Variants in DMD observed in about 807,000 individuals in gnomAD.
DMD encodes the protein mutant dystrophin.
DMD carries 63 observed loss-of-function variants against 330.1 expected under a neutral mutation model. The ratio of observed to expected loss-of-function variants is 0.19; its 90% CI spans 0.16 to 0.24. DMD has a LOEUF of 0.24. Ranked by LOEUF, DMD falls within the 10% of genes least tolerant of loss-of-function variation. The probability of loss-of-function intolerance (pLI) is 1.00; values close to 1 mark genes in which losing one functional copy is unlikely to be tolerated. For synonymous variants in DMD, 1,223 were observed against 959.8 expected, an observed-to-expected ratio of 1.27 and a Z score of -5.07; for missense variants, 3,344 against 2,684.1, an observed-to-expected ratio of 1.25 and a Z score of -5.43.
rs183585489 is a variant in DMD, at chrX:31,901,560, C to A, written c.6913-26187G>T. 2.5e-3 allele frequency among the ~76,000 whole-genome samples: 282 copies of A among 111,574 alleles called. 1 individual carries two copies. The highest frequency in any genetic ancestry group is 6.9e-3 in the African/African-American group (213 of 30,826). Reference sequence around the variant, plus strand: ...ACTTTCCACATAATTACTTTCCAAGCTATACTACGAGGCAAAGGGAGGATT... The same window carrying A: ...ACTTTCCACATAATTACTTTCCAAGATATACTACGAGGCAAAGGGAGGATT... On this transcript the variant is annotated intron_variant, in intron 47 of 78. Coordinates refer to ENST00000357033, the MANE Select transcript of DMD (RefSeq NM_004006.3).
intron 9 of DMD, among the ~76,000 whole-genome samples, chrX:32,675,133 T>C (rs1228288267): frequency 9.0e-6 from 1 of 111,617 alleles, no homozygotes; most frequent in African/African-American, 3.2e-5. Flanking sequence ...ATGACACTGA[T>C]GCTATTATCA....
At chrX:31,368,724 C>A (rs1432533554) in intron 60 of DMD, among the ~76,000 whole-genome samples, 1 of 109,932 alleles carries the variant, frequency 9.1e-6, no homozygotes, top group African/African-American at 3.3e-5. Context: ...CGGCTCAGTG[C>A]AGCCTCTGCC....
At chrX:32,402,537 T>A (rs1189960816) in intron 30 of DMD, among the ~76,000 whole-genome samples, 1 of 111,286 alleles carries the variant, frequency 9.0e-6, no homozygotes, top group Non-Finnish European at 1.9e-5. Flanking sequence ...TTTCAAATAT[T>A]CCCTTTTAAA....
At chrX:32,478,324 A>T (rs1369232147) in intron 21 of DMD, among the ~76,000 whole-genome samples, 1 of 111,863 alleles carries the variant, frequency 8.9e-6, no homozygotes, top group African/African-American at 3.2e-5. Context: ...AAAATGCTCA[A>T]CTTGAGCCTT....
intron 1 of DMD, among the ~76,000 whole-genome samples, chrX:33,071,257 C>T (rs906473575): frequency 2.7e-5 from 3 of 109,569 alleles, no homozygotes; most frequent in Non-Finnish European, 5.7e-5. Flanking sequence ...TCAAAACAAG[C>T]CTGGCCAACA....
rs73623934 is a variant in DMD, at chrX:33,267,446, A to G, written c.7+71813T>C. On this transcript the variant is annotated intron_variant, in intron 1 of 17. Transcript: ENST00000288447. ...CTGCACAAAACAACTTATAGATTCAATGCTGTCCTTATCAAACTACCAAGG... is the reference window on the plus strand; with the variant it reads ...CTGCACAAAACAACTTATAGATTCAGTGCTGTCCTTATCAAACTACCAAGG... Among the ~76,000 whole-genome samples, 417 of 111,342 alleles carry G rather than the reference A, an allele frequency of 3.7e-3. 3 individuals carry two copies. Among genetic ancestry groups the G allele is most frequent in the African/African-American group, 0.013 (400 of 30,664 alleles).
intron 50 of DMD, among the ~76,000 whole-genome samples, chrX:31,800,850 G>C (rs1468887647): frequency 9.0e-6 from 1 of 111,539 alleles, no homozygotes; most frequent in Admixed American, 9.5e-5. Context: ...TTCCCAAGAA[G>C]TTCCTAATCT....
At chrX:31,178,605 T>C (rs1481176206) in intron 70 of DMD, 64 bp downstream of exon 70, 5 of 1,149,068 alleles carry the variant, frequency 4.4e-6, no homozygotes, top group Non-Finnish European at 5.8e-6. Context: ...AAGGAGGGTG[T>C]TCAGCTGAGA....
At chrX:32,511,445 C>T (rs938868311) in intron 18 of DMD, among the ~76,000 whole-genome samples, 1 of 101,537 alleles carries the variant, frequency 9.8e-6, no homozygotes, top group African/African-American at 3.6e-5. Flanking sequence ...TCGCTTGAAC[C>T]CGGGAGACAG....
At chrX:32,215,416 T>G (rs976534464) in intron 44 of DMD, among the ~76,000 whole-genome samples, 2 of 111,331 alleles carry the variant, frequency 1.8e-5, no homozygotes, top group African/African-American at 6.5e-5. Flanking sequence ...TGCTTCATCG[T>G]AAAAGTACTC....
chrX:31,737,276 T>C (rs1047116868), intron 51 of DMD, among the ~76,000 whole-genome samples: 1 of 112,334 alleles, frequency 8.9e-6, no homozygotes, highest in African/African-American at 3.2e-5. Context: ...AGCTATATGA[T>C]AGTATGATAT....
At chrX:31,734,520 A>G (rs1221418784) in intron 51 of DMD, among the ~76,000 whole-genome samples, 1 of 111,570 alleles carries the variant, frequency 9.0e-6, no homozygotes, top group Non-Finnish European at 1.9e-5. Context: ...TTAAGTTGAA[A>G]TAGTTATTTG....
At chrX:33,055,702 A>G (rs746543753) in intron 1 of DMD, among the ~76,000 whole-genome samples, 3 of 111,376 alleles carry the variant, frequency 2.7e-5, no homozygotes, top group African/African-American at 9.8e-5. Flanking sequence ...AAATTAATGA[A>G]TTTTTATCCC....
chrX:32,724,525 T>A (rs12006828), intron 7 of DMD, among the ~76,000 whole-genome samples: 1 of 111,367 alleles, frequency 9.0e-6, no homozygotes, highest in African/African-American at 3.3e-5. Context: ...GAAGAAAACA[T>A]GTTAAAGCTA....
At chrX:33,265,712 A>G (rs2053030542) in intron 1 of DMD, among the ~76,000 whole-genome samples, 1 of 111,490 alleles carries the variant, frequency 9.0e-6, no homozygotes, top group Admixed American at 9.6e-5. Flanking sequence ...CAATTTTTAT[A>G]TCATACGTTC....
rs187768130 is a variant in DMD at position 31,145,333 on chromosome X, C to A, written c.10921+958G>T. On this transcript the variant is annotated intron_variant, in intron 76 of 78. Coordinates refer to ENST00000357033, the MANE Select transcript of DMD (RefSeq NM_004006.3). ...ATCTTCCTTGAACCTCCCTACTTAT[C>A]CATCCTTTACTATCCCATTACCCAA... 4.2e-3 allele frequency among the ~76,000 whole-genome samples: 473 copies of A among 111,660 alleles called. 4 individuals are homozygous for A. The highest frequency in any genetic ancestry group is 0.014 in the Middle Eastern group (3 of 218).
chrX:31,456,544 T>C (rs1005445578), intron 59 of DMD, among the ~76,000 whole-genome samples: 5 of 112,030 alleles, frequency 4.5e-5, no homozygotes, highest in East Asian at 5.6e-4. Context: ...AAGAAAGATA[T>C]GTGTTCAGAA....
chrX:31,836,934 A>G (rs1418869400), intron 48 of DMD, 115 bp from the exon 49 acceptor site: 2 of 575,161 alleles, frequency 3.5e-6, no homozygotes, highest in African/African-American at 4.6e-5. Flanking sequence ...TCTGCCTGGT[A>G]CATAAGGGCA....
At chrX:32,619,254 AAG>A (rs1458203736) in intron 11 of DMD, among the ~76,000 whole-genome samples, 2 of 111,646 alleles carry the variant, frequency 1.8e-5, no homozygotes, top group Non-Finnish European at 3.8e-5. Context: ...TGGAATCTAA[AAG>A]AGCTGATCCC....
Sources: allele counts gnomAD v4.1 joint callset (sites outside exome capture counted in the v4.1 genomes callset), GRCh38; gene constraint gnomAD v4.1.1; transcripts MANE v1.5; gene names NCBI Gene and HGNC (gene_info 2026-07-23, HGNC 2026-07-21).